SETBP1: variants seen among roughly 807,000 people sequenced by gnomAD.
The protein encoded by SETBP1 is SET binding protein 1.
A neutral mutation model predicts 101.0 loss-of-function variants in SETBP1; 9 were observed. That is an observed-to-expected ratio of 0.09 (90% confidence interval 0.05 to 0.16). The LOEUF (loss-of-function observed/expected upper bound fraction) is 0.16. Among genes scored for constraint, SETBP1 ranks in the 10% least tolerant of loss-of-function variants. SETBP1 has a pLI of 1.00. For missense variants in SETBP1, 1,858 were observed against 2,033.8 expected, an observed-to-expected ratio of 0.91 and a Z score of 1.66; for synonymous variants, 818 against 788.5, an observed-to-expected ratio of 1.04 and a Z score of -0.63.
Position 44,824,378 on chromosome 18 carries a change from G to A in SETBP1, c.487-44852G>A, listed in dbSNP as rs568528387. ...CTGCACATAACATGGGATCTATATA[G>A]GGTTTTGTATGATTCACTTGGGTTA... On this transcript the variant is annotated intron_variant, in intron 2 of 5. Transcript: ENST00000649279. Among the ~76,000 whole-genome samples, 15 of 152,116 alleles carry A rather than the reference G, an allele frequency of 9.9e-5. No homozygotes were observed. The South Asian group carries it at 3.1e-3, about 32-fold the overall frequency.
intron 4 of SETBP1, among the ~76,000 whole-genome samples, chr18:44,993,862 T>C (rs180873637): frequency 2.0e-5 from 3 of 152,164 alleles, no homozygotes; most frequent in Admixed American, 2.0e-4. Flanking sequence ...TATTAAAATA[T>C]ACAAAACCCA....
rs551999998 is a variant in SETBP1 at position 44,900,611 on chromosome 18, A to C, written c.540+31328A>C. On this transcript the variant is annotated intron_variant, in intron 3 of 5. Transcript: ENST00000649279. ...GAAAAATTCGTTCACAATGAATGCC[A>C]CAGAACATTAGTTTGCAAAGTGTGC... Among the ~76,000 whole-genome samples, 3 of 152,350 alleles carry C rather than the reference A, an allele frequency of 2.0e-5. No homozygotes were observed. The East Asian group carries it at 5.8e-4, about 29-fold the overall frequency.
intron 3 of SETBP1, among the ~76,000 whole-genome samples, chr18:44,907,135 C>G (rs969797697): frequency 6.6e-6 from 1 of 152,156 alleles, no homozygotes; most frequent in Non-Finnish European, 1.5e-5. Context: ...GCTTCTTTCA[C>G]TTAGCATAGT....
chr18:44,979,762 AACTC>A (rs1034825390), intron 4 of SETBP1, among the ~76,000 whole-genome samples: 3 of 152,244 alleles, frequency 2.0e-5, no homozygotes, highest in African/African-American at 4.8e-5. Context: ...GGCTCAAGAA[AACTC>A]ACTCTATGCA....
At chr18:44,980,898 GT>G (rs1343789556) in intron 4 of SETBP1, among the ~76,000 whole-genome samples, 1 of 152,166 alleles carries the variant, frequency 6.6e-6, no homozygotes, top group African/African-American at 2.4e-5. Context: ...CAGGCTGTTG[GT>G]TTTGGCCTTC....
upstream of SETBP1, among the ~76,000 whole-genome samples, chr18:44,680,603 G>A (rs2068742917): frequency 6.6e-6 from 1 of 152,196 alleles, no homozygotes; most frequent in South Asian, 2.1e-4. Context: ...GAGGTTGCAG[G>A]AGATGGGCGC....
At chr18:44,933,912 C>T (rs1164439492) in intron 3 of SETBP1, among the ~76,000 whole-genome samples, 1 of 152,170 alleles carries the variant, frequency 6.6e-6, no homozygotes, top group African/African-American at 2.4e-5. Context: ...TGAGGCGATG[C>T]CCTGCCCTGC....
chr18:44,709,812 A>ATTTTTTT (rs35610551), intron 2 of SETBP1, among the ~76,000 whole-genome samples: 1 of 121,600 alleles, frequency 8.2e-6, no homozygotes, highest in East Asian at 2.4e-4. Context: ...ATCACTAATG[A>ATTTTTTT]TTTTTTTTTT....
At chr18:44,824,876 A>G (rs921417811) in intron 2 of SETBP1, among the ~76,000 whole-genome samples, 7 of 152,180 alleles carry the variant, frequency 4.6e-5, no homozygotes, top group Non-Finnish European at 7.3e-5. Flanking sequence ...TAAGGGAGGG[A>G]AATCCTGAAG....
chr18:44,974,647 A>C (rs1446707153), intron 4 of SETBP1, among the ~76,000 whole-genome samples: 1 of 152,180 alleles, frequency 6.6e-6, no homozygotes, highest in Non-Finnish European at 1.5e-5. Flanking sequence ...GGTAACACAA[A>C]ACCCAAACAA....
intron 3 of SETBP1, among the ~76,000 whole-genome samples, chr18:44,872,880 AG>A (rs1415688598): frequency 6.6e-6 from 1 of 152,252 alleles, no homozygotes; most frequent in African/African-American, 2.4e-5. Context: ...CACAGAGGAA[AG>A]CACAGACTAA....
intron 3 of SETBP1, chr18:44,869,497 C>A (rs2069220624): frequency 3.4e-6 from 2 of 595,172 alleles, no homozygotes; most frequent in Non-Finnish European, 6.0e-6. Flanking sequence ...CTCTTTCGTT[C>A]CTAATATTCT....
In SETBP1 at chr18:44,950,844, A is replaced by C; in HGVS notation, c.1504A>C (p.Met502Leu). The part of the protein sequence containing the change: ...GGVSKPRKPP[M>L]VMTPPTCTDH... ...TGTGTCTAAGCCGCGGAAGCCACCC[A>C]TGGTCATGACACCTCCAACGTGCAC... The change falls in exon 4 of 6, where the codon ATG becomes CTG. Residue 502 changes from methionine to leucine, a missense_variant. Physicochemically the swap from Met to Leu is conservative, Grantham distance 15. This residue lies in a region of SETBP1 where 581 missense variants were observed against 535.1 expected (regional missense o/e 1.09). Transcript: ENST00000649279. 1 of 1,614,136 alleles carries C rather than the reference A, an allele frequency of 6.2e-7. No homozygotes were observed. The highest frequency in any genetic ancestry group is 8.5e-7 in the Non-Finnish European group (1 of 1,180,020).
At chr18:44,836,878 T>C in intron 2 of SETBP1, among the ~76,000 whole-genome samples, 1 of 152,236 alleles carries the variant, frequency 6.6e-6, no homozygotes, top group Admixed American at 6.5e-5. Context: ...GTTATATTTC[T>C]ATTTGAGCCA....
At chr18:44,768,611 G>A (rs117772358) in intron 2 of SETBP1, among the ~76,000 whole-genome samples, 7,056 of 152,070 alleles carry the variant, frequency 0.046, 226 homozygotes, top group Non-Finnish European at 0.065. Flanking sequence ...GTGATTACCG[G>A]GTGTTTTGTT....
intron 3 of SETBP1, among the ~76,000 whole-genome samples, chr18:44,907,878 C>G (rs2070212238): frequency 6.6e-6 from 1 of 152,094 alleles, no homozygotes; most frequent in Non-Finnish European, 1.5e-5. Context: ...GTTCCTCATG[C>G]TTTGGTGTCA....
At chr18:44,751,593 T>C (rs1209418117) in intron 2 of SETBP1, among the ~76,000 whole-genome samples, 1 of 152,262 alleles carries the variant, frequency 6.6e-6, no homozygotes, top group Non-Finnish European at 1.5e-5. Context: ...TTTTGTTTCT[T>C]GCAATTTCAT....
chr18:44,752,500 T>C (rs2070406315), intron 2 of SETBP1, among the ~76,000 whole-genome samples: 1 of 152,184 alleles, frequency 6.6e-6, no homozygotes. Context: ...AGTAGGGAAA[T>C]GTGCAGCATG....
intron 2 of SETBP1, among the ~76,000 whole-genome samples, chr18:44,741,911 T>G (rs1274596185): frequency 1.3e-5 from 2 of 152,158 alleles, no homozygotes; most frequent in Non-Finnish European, 2.9e-5. Context: ...ACAACTCCTA[T>G]TCTGTCTGCT....
Sources: gnomAD v4.1 joint callset for allele counts (sites outside exome capture counted in the v4.1 genomes callset) on GRCh38, gnomAD v4.1.1 for gene constraint, gnomAD v4.1.1 regional missense constraint, MANE v1.5 for transcripts, NCBI Gene and HGNC (gene_info 2026-07-23, HGNC 2026-07-21) for gene names.